AOPEP: variants seen among roughly 807,000 people sequenced by gnomAD.
The protein encoded by AOPEP is aminopeptidase O.
In AOPEP, 77 loss-of-function variants were observed where a neutral mutation model predicts 98.1. The observed-to-expected ratio is 0.78, with a 90% CI of 0.65 to 0.95. AOPEP has a LOEUF of 0.95. Among genes scored for constraint, AOPEP ranks in the 40% least tolerant of loss-of-function variants. The pLI is 0.00. For missense variants in AOPEP, 1,024 were observed against 1,024.7 expected (o/e 1.00, Z 0.01); for synonymous variants, 346 against 365.3 (o/e 0.95, Z 0.60).
chr9:95,113,844 G>A, the AOPEP span: 2 of 152,160 alleles, frequency 1.3e-5, no homozygotes, highest in Non-Finnish European at 2.9e-5. Context: ...GGATGGTCTC[G>A]ATCTCCTGAC....
rs545041601 is a variant in AOPEP, at chr9:95,021,546, C to T, written c.2115+15930C>T. The T allele has an allele frequency of 3.3e-5, 5 of 152,262 alleles. No individual in the cohort carries two copies. The East Asian group carries it at 7.7e-4, about 24-fold the overall frequency. The allele number at this position is 152,262 out of a possible 1,614,324, so 9.4% of individuals were successfully genotyped here. A position where few individuals can be genotyped will look rare whatever the true frequency, so the allele number is the denominator to read the frequency against. ...ATCATAAGACAAATTTAAATGATGCCGAAGTATCTTCCAGCAGAGGATTAG... is the reference window on the plus strand; with the variant it reads ...ATCATAAGACAAATTTAAATGATGCTGAAGTATCTTCCAGCAGAGGATTAG... On this transcript the variant is annotated intron_variant, in intron 13 of 16. Coordinates refer to ENST00000375315, the MANE Select transcript of AOPEP (RefSeq NM_001193329.3).
chr9:95,007,654 C>G (rs1403051857), intron 13 of AOPEP, among the ~76,000 whole-genome samples: 1 of 152,190 alleles, frequency 6.6e-6, no homozygotes, highest in Admixed American at 6.5e-5. Context: ...TAGCAAATTT[C>G]AGAGTCATAT....
intron 5 of AOPEP, among the ~76,000 whole-genome samples, chr9:94,812,542 C>T (rs1850839450): frequency 6.6e-6 from 1 of 152,004 alleles, no homozygotes; most frequent in African/African-American, 2.4e-5. Flanking sequence ...CCTGGGATTT[C>T]CCAGTTAGAA....
intron 14 of AOPEP, among the ~76,000 whole-genome samples, chr9:95,067,596 G>A (rs766867147): frequency 4.6e-5 from 7 of 152,262 alleles, no homozygotes; most frequent in African/African-American, 9.6e-5. Flanking sequence ...AGTTTTTCTC[G>A]AGAGTAGACT....
At chr9:95,085,169 G>A in intron 16 of AOPEP, 1 of 447,252 alleles carries the variant, frequency 2.2e-6, no homozygotes, top group South Asian at 1.6e-5. Context: ...TCCTTCCGCG[G>A]AAGCCCAGTG....
intron 11 of AOPEP, among the ~76,000 whole-genome samples, chr9:94,987,757 T>G (rs2060615111): frequency 6.6e-6 from 1 of 152,204 alleles, no homozygotes; most frequent in South Asian, 2.1e-4. Flanking sequence ...TTTTTCTTGT[T>G]GGGGACATGT....
At chr9:94,743,193 A>AGAAGAAGAAGAAGAAGAG (rs1554695832) in intron 1 of AOPEP, among the ~76,000 whole-genome samples, 229 of 121,942 alleles carry the variant, frequency 1.9e-3, no homozygotes, top group South Asian at 5.2e-3. Context: ...AAGAAGAAGA[A>AGAAGAAGAAGAAGAAGAG]GAAGAAGAGG....
chr9:94,790,832 G>T (rs1261401049), intron 3 of AOPEP, among the ~76,000 whole-genome samples: 1 of 151,794 alleles, frequency 6.6e-6, no homozygotes, highest in Non-Finnish European at 1.5e-5. Flanking sequence ...TAATATTTCA[G>T]CTCTGAATTT....
At chr9:94,943,937 A>G (rs867859241) in intron 7 of AOPEP, among the ~76,000 whole-genome samples, 1 of 149,866 alleles carries the variant, frequency 6.7e-6, no homozygotes, top group East Asian at 1.9e-4. Flanking sequence ...AAAAAAAAAA[A>G]AAAAAAAAAA....
rs1837906655 is a variant in AOPEP, at chr9:94,760,067, A to G, written c.284A>G (p.Glu95Gly). 6.2e-7 allele frequency: 1 copy of G among 1,614,206 alleles called. No homozygotes were observed. The change falls in exon 2 of 17, where the codon GAA (glutamate) becomes GGA (glycine). Residue 95 changes from glutamate (E) to glycine (G), a missense_variant. Glu to Gly is a moderately conservative substitution (Grantham distance 98). Around this residue, in one of 3 missense-constraint regions of AOPEP, gnomAD observed 440 missense variants for 433.8 expected, o/e 1.01. Transcript: ENST00000375315. The part of the protein sequence containing the change: ...TNARTFSSEM[E>G]YNDFAICSKG... The stretch of plus-strand genomic sequence containing the variant: ...GCAAGGACCTTCTCATCTGAAATGG[A>G]ATATAATGATTTTGCAATCTGTAGT...
intron 5 of AOPEP, among the ~76,000 whole-genome samples, chr9:94,870,720 G>T (rs1293526682): frequency 6.6e-6 from 1 of 152,224 alleles, no homozygotes; most frequent in Admixed American, 6.5e-5. Context: ...GGATAGTGAA[G>T]ATATAAGTTG....
chr9:95,003,759 C>G (rs947695769), intron 11 of AOPEP, among the ~76,000 whole-genome samples: 1 of 152,198 alleles, frequency 6.6e-6, no homozygotes, highest in Non-Finnish European at 1.5e-5. Context: ...CATTTCGTAG[C>G]ACTTAGCTAT....
chr9:94,849,070 C>A (rs551855115), intron 5 of AOPEP, among the ~76,000 whole-genome samples: 1 of 152,330 alleles, frequency 6.6e-6, no homozygotes, highest in South Asian at 2.1e-4. Context: ...TGAGCCACCA[C>A]ACCCGGCCAA....
chr9:95,076,568 AAAT>A (rs1462082517), intron 14 of AOPEP, among the ~76,000 whole-genome samples: 1 of 152,228 alleles, frequency 6.6e-6, no homozygotes. Context: ...ATATCCTATT[AAAT>A]AATCAATGTA....
intron 13 of AOPEP, among the ~76,000 whole-genome samples, chr9:95,013,532 A>G (rs2062737678): frequency 6.6e-6 from 1 of 152,006 alleles, no homozygotes; most frequent in African/African-American, 2.4e-5. Flanking sequence ...CAGAGCATAT[A>G]GGCATTACAT....
At chr9:95,123,549 G>A in the AOPEP span, 107 of 536,518 alleles carry the variant, frequency 2.0e-4, no homozygotes, top group Non-Finnish European at 3.2e-4. Flanking sequence ...AACAACGGTC[G>A]TACCAAAAAG....
intron 11 of AOPEP, chr9:95,004,872 A>T (rs1434916670): frequency 1.4e-5 from 2 of 144,226 alleles, no homozygotes; most frequent in African/African-American, 5.0e-5. Flanking sequence ...CGGGAGGGCG[A>T]CCTGCGGGAG....
the AOPEP span, among the ~76,000 whole-genome samples, chr9:95,104,484 C>G: frequency 1.3e-4 from 20 of 151,938 alleles, no homozygotes; most frequent in African/African-American, 4.4e-4. Context: ...GGATCCGCAG[C>G]AGGGGCTGAA....
intron 5 of AOPEP, among the ~76,000 whole-genome samples, chr9:94,821,137 T>C (rs1283918057): frequency 6.6e-6 from 1 of 151,284 alleles, no homozygotes; most frequent in Admixed American, 6.6e-5. Context: ...TTTATTTTTC[T>C]GGTTAAGAGA....
Sources: allele counts gnomAD v4.1 joint callset (sites outside exome capture counted in the v4.1 genomes callset), GRCh38; gene constraint gnomAD v4.1.1; regional missense constraint gnomAD v4.1.1; transcripts MANE v1.5; gene names NCBI Gene and HGNC (gene_info 2026-07-23, HGNC 2026-07-21).